The following LYZL1 variants were observed in gnomAD, a reference collection of about 807,000 sequenced individuals.
LYZL1 encodes lysozyme like 1.
In LYZL1, 16 loss-of-function variants were observed where a neutral mutation model predicts 17.9. The observed-to-expected ratio is 0.90, with a 90% CI of 0.61 to 1.36. The LOEUF (loss-of-function observed/expected upper bound fraction) is 1.36. LYZL1 is among the 40% of genes most tolerant of loss of function. The pLI is 0.00. For synonymous variants in LYZL1, 58 were observed against 71.8 expected, an observed-to-expected ratio of 0.81 and a Z score of 0.97; for missense variants, 149 against 188.4, an observed-to-expected ratio of 0.79 and a Z score of 1.22.
intron 3 of LYZL1, among the ~76,000 whole-genome samples, chr10:29,302,699 T>G (rs1450004476): frequency 6.6e-6 from 1 of 152,238 alleles, no homozygotes; most frequent in Admixed American, 6.5e-5. Flanking sequence ...TTTGTTTGAA[T>G]GAGCTGGCCT....
At chr10:29,306,227 C>T (rs1265204099) in intron 3 of LYZL1, among the ~76,000 whole-genome samples, 1 of 152,068 alleles carries the variant, frequency 6.6e-6, no homozygotes, top group African/African-American at 2.4e-5. Flanking sequence ...CCATGAGTGG[C>T]TATAAAGTAT....
chr10:29,311,605 T>G (rs1835673800), downstream of LYZL1, among the ~76,000 whole-genome samples: 1 of 152,202 alleles, frequency 6.6e-6, no homozygotes, highest in Non-Finnish European at 1.5e-5. Context: ...ATATTGAAAT[T>G]CTCATAAAAG....
At chr10:29,293,606 C>T (rs1462808171) in intron 3 of LYZL1, among the ~76,000 whole-genome samples, 2 of 152,104 alleles carry the variant, frequency 1.3e-5, no homozygotes, top group African/African-American at 4.8e-5. Context: ...AGAATATGTG[C>T]TTACATGAAG....
At chr10:29,318,196 T>G (rs1564396128) in exon 5 of LYZL1, 4 of 985,142 alleles carry the variant, frequency 4.1e-6, no homozygotes, top group Non-Finnish European at 4.8e-6. Context: ...AAAGTTAAAC[T>G]CAGCTAGATT....
downstream of LYZL1, among the ~76,000 whole-genome samples, chr10:29,316,196 G>C (rs1033409614): frequency 6.6e-6 from 1 of 152,194 alleles, no homozygotes; most frequent in Non-Finnish European, 1.5e-5. Context: ...CAGGAAGGCA[G>C]CTTCACAGCA....
At chr10:29,311,499 G>C (rs1046212695), downstream of LYZL1, among the ~76,000 whole-genome samples, 1 of 152,208 alleles carries the variant, frequency 6.6e-6, no homozygotes, top group East Asian at 1.9e-4. Flanking sequence ...CAGAAGGACC[G>C]TCTATGCATG....
At chr10:29,308,463 C>A (rs1315287382) in intron 3 of LYZL1, among the ~76,000 whole-genome samples, 1 of 152,166 alleles carries the variant, frequency 6.6e-6, no homozygotes, top group Non-Finnish European at 1.5e-5. Context: ...TGAGGAATAT[C>A]TAGCACCTCA....
chr10:29,305,029 T>G (rs1215303155), intron 3 of LYZL1, among the ~76,000 whole-genome samples: 4 of 152,174 alleles, frequency 2.6e-5, no homozygotes, highest in Non-Finnish European at 5.9e-5. Flanking sequence ...TTTCTGTACA[T>G]GCCTGGGATG....
At chr10:29,299,062 C>T (rs895138516) in intron 3 of LYZL1, among the ~76,000 whole-genome samples, 17 of 152,168 alleles carry the variant, frequency 1.1e-4, no homozygotes, top group Admixed American at 5.2e-4. Flanking sequence ...ATTAGGTTCT[C>T]ATAAGGACCG....
At chr10:29,315,217 T>C (rs1835715284), downstream of LYZL1, among the ~76,000 whole-genome samples, 1 of 152,148 alleles carries the variant, frequency 6.6e-6, no homozygotes, top group Admixed American at 6.5e-5. Context: ...TTTTTTGATT[T>C]AAAAAATTTA....
At chr10:29,298,604 A>G (rs1472967874) in intron 3 of LYZL1, among the ~76,000 whole-genome samples, 2 of 152,152 alleles carry the variant, frequency 1.3e-5, no homozygotes, top group Non-Finnish European at 2.9e-5. Context: ...GTAGGAAAAC[A>G]TGCTTCACAA....
At chr10:29,318,275 T>A in exon 5 of LYZL1, 1 of 728,048 alleles carries the variant, frequency 1.4e-6, no homozygotes, top group Non-Finnish European at 1.7e-6. Context: ...AAACGAAATC[T>A]ATACTTGCCT....
chr10:29,300,980 C>A (rs1015617271), intron 3 of LYZL1, among the ~76,000 whole-genome samples: 2 of 152,018 alleles, frequency 1.3e-5, no homozygotes, highest in Non-Finnish European at 2.9e-5. Context: ...TGCCACAATG[C>A]CTGGCTGGTT....
chr10:29,315,363 T>A (rs1588666031), downstream of LYZL1, among the ~76,000 whole-genome samples: 1 of 151,936 alleles, frequency 6.6e-6, no homozygotes, highest in South Asian at 2.1e-4. Flanking sequence ...TACAAAAAAA[T>A]TAGACAGGCA....
intron 1 of LYZL1, 54 bp downstream of exon 1, chr10:29,289,284 G>A (rs1469652119): frequency 9.2e-7 from 1 of 1,090,280 alleles, no homozygotes; most frequent in Admixed American, 3.1e-5. Context: ...CTTGAAGGAT[G>A]TAGAACATGA....
At chr10:29,293,453 A>G (rs2132816146) in intron 3 of LYZL1, among the ~76,000 whole-genome samples, 1 of 152,276 alleles carries the variant, frequency 6.6e-6, no homozygotes, top group South Asian at 2.1e-4. Flanking sequence ...TGTCTTAAAC[A>G]TTAGAAATTA....
In LYZL1 at chr10:29,310,196, T is replaced by G. The variant is rs766918222; in HGVS notation, c.377+8T>G. The G allele has an allele frequency of 6.3e-7, 1 of 1,594,900 alleles. No homozygotes were observed. ...ACAAGGAATGAACTATTGGTAAGAG[T>G]GTTTTCTTGGGAGACTTGTGCTGTC... On this transcript the variant is annotated splice_region_variant and intron_variant, in intron 4 of 4. Transcript: ENST00000649382.
At chr10:29,307,992 A>G (rs1463284861) in intron 3 of LYZL1, among the ~76,000 whole-genome samples, 3 of 152,198 alleles carry the variant, frequency 2.0e-5, no homozygotes, top group Non-Finnish European at 4.4e-5. Flanking sequence ...AACGTCAAGC[A>G]TTACCCAATT....
chr10:29,309,328 C>CACAAAAACAAAA (rs879487469), intron 3 of LYZL1, among the ~76,000 whole-genome samples: 1 of 151,912 alleles, frequency 6.6e-6, no homozygotes, highest in South Asian at 2.1e-4. Context: ...GATTCTGTCT[C>CACAAAAACAAAA]ACAAAAACAA....
Sources: allele counts gnomAD v4.1 joint callset (sites outside exome capture counted in the v4.1 genomes callset), GRCh38; gene constraint gnomAD v4.1.1; transcripts MANE v1.5; gene names NCBI Gene and HGNC (gene_info 2026-07-23, HGNC 2026-07-21).